TACR3: variants seen among roughly 807,000 people sequenced by gnomAD.
TACR3 encodes neuromedin-K receptor.
TACR3 carries 34 observed loss-of-function variants against 35.0 expected under a neutral mutation model. The ratio of observed to expected loss-of-function variants is 0.97; its 90% CI spans 0.74 to 1.30. The LOEUF is 1.30. Ranked by LOEUF, TACR3 falls within the 50% of genes most tolerant of loss-of-function variation. The pLI, the probability that TACR3 is intolerant of heterozygous loss-of-function variation, is 0.00. For missense variants in TACR3, 558 were observed against 591.7 expected (o/e 0.94, Z 0.59); for synonymous variants, 233 against 221.1 (o/e 1.05, Z -0.48).
chr4:103,706,045 C>G (rs1319843084), intron 1 of TACR3, among the ~76,000 whole-genome samples: 1 of 151,942 alleles, frequency 6.6e-6, no homozygotes, highest in Non-Finnish European at 1.5e-5. Flanking sequence ...TTTTAGTAGA[C>G]CAGAAAAGAC....
chr4:103,675,374 C>T (rs557668606), intron 1 of TACR3, among the ~76,000 whole-genome samples: 2 of 152,232 alleles, frequency 1.3e-5, no homozygotes, highest in South Asian at 2.1e-4. Context: ...CTTATCTTTC[C>T]CCACAAACCT....
chr4:103,688,894 A>G (rs2110215247), intron 1 of TACR3, among the ~76,000 whole-genome samples: 1 of 152,256 alleles, frequency 6.6e-6, no homozygotes, highest in South Asian at 2.1e-4. Context: ...CCATCCCATT[A>G]CTGGGTATAT....
chr4:103,616,161 A>T (rs990290429), intron 3 of TACR3, among the ~76,000 whole-genome samples: 1 of 152,232 alleles, frequency 6.6e-6, no homozygotes, highest in African/African-American at 2.4e-5. Context: ...TAAGTGAAAC[A>T]TTAATACAAG....
At chr4:103,697,675 C>T (rs1366871743) in intron 1 of TACR3, among the ~76,000 whole-genome samples, 1 of 152,084 alleles carries the variant, frequency 6.6e-6, no homozygotes, top group Non-Finnish European at 1.5e-5. Context: ...CCGCCCACCT[C>T]GGCCTCCCAA....
intron 3 of TACR3, among the ~76,000 whole-genome samples, chr4:103,635,451 A>AAACAT (rs1725166367): frequency 6.6e-6 from 1 of 151,928 alleles, no homozygotes; most frequent in African/African-American, 2.4e-5. Context: ...CCCCTGTGCA[A>AAACAT]AACATAACTT....
At chr4:103,706,405 C>T (rs928407422) in intron 1 of TACR3, among the ~76,000 whole-genome samples, 23 of 152,010 alleles carry the variant, frequency 1.5e-4, no homozygotes, top group African/African-American at 5.6e-4. Flanking sequence ...TCTGTATATC[C>T]TGATGCTAAA....
intron 3 of TACR3, among the ~76,000 whole-genome samples, chr4:103,649,681 T>G (rs1725538936): frequency 6.6e-6 from 1 of 152,156 alleles, no homozygotes; most frequent in Non-Finnish European, 1.5e-5. Context: ...GCAATTTTTC[T>G]TGATTCTTTT....
chr4:103,621,357 G>T (rs1724776365), intron 3 of TACR3, among the ~76,000 whole-genome samples: 1 of 152,170 alleles, frequency 6.6e-6, no homozygotes, highest in Admixed American at 6.5e-5. Context: ...GGATGGAGAT[G>T]AGAATAGAGG....
chr4:103,595,246 G>C (rs922120127), intron 3 of TACR3, among the ~76,000 whole-genome samples: 20 of 152,264 alleles, frequency 1.3e-4, no homozygotes, highest in African/African-American at 4.3e-4. Flanking sequence ...TAAACTTTAA[G>C]AAATTCTTGA....
chr4:103,610,244 G>A (rs928681493), intron 3 of TACR3, among the ~76,000 whole-genome samples: 4 of 152,024 alleles, frequency 2.6e-5, no homozygotes, highest in African/African-American at 9.7e-5. Flanking sequence ...CTCCAATAGT[G>A]TATAAGAGTT....
intron 1 of TACR3, among the ~76,000 whole-genome samples, chr4:103,669,494 C>T (rs139633304): frequency 6.6e-6 from 1 of 152,098 alleles, no homozygotes; most frequent in East Asian, 1.9e-4. Context: ...TCTGCATCCT[C>T]ATCAGCATCT....
intron 2 of TACR3, 130 bp downstream of exon 2, chr4:103,658,085 A>G (rs770835642): frequency 5.6e-6 from 5 of 891,506 alleles, no homozygotes; most frequent in South Asian, 3.0e-5. Flanking sequence ...GTATTTTTAT[A>G]TATTTCCTTT....
chr4:103,671,307 T>C (rs929060845), intron 1 of TACR3, among the ~76,000 whole-genome samples: 1 of 152,032 alleles, frequency 6.6e-6, no homozygotes. Context: ...CCCTAGAGAA[T>C]GAGTTTGAAA....
At chr4:103,628,491 C>T (rs1407906764) in intron 3 of TACR3, among the ~76,000 whole-genome samples, 16 of 152,072 alleles carry the variant, frequency 1.1e-4, no homozygotes, top group Admixed American at 8.5e-4. Context: ...CACAGAAATA[C>T]AAACTACCAT....
At chr4:103,686,849 C>T (rs1017589334) in intron 1 of TACR3, among the ~76,000 whole-genome samples, 2 of 152,098 alleles carry the variant, frequency 1.3e-5, no homozygotes, top group Non-Finnish European at 2.9e-5. Flanking sequence ...CCTTCTGAAA[C>T]TATTCCAATC....
At chr4:103,628,759 A>G (rs1460140273) in intron 3 of TACR3, among the ~76,000 whole-genome samples, 3 of 152,214 alleles carry the variant, frequency 2.0e-5, no homozygotes. Flanking sequence ...AACTATTCCA[A>G]TCAATAGAAA....
intron 1 of TACR3, among the ~76,000 whole-genome samples, chr4:103,717,345 A>G (rs1723111350): frequency 6.6e-6 from 1 of 152,106 alleles, no homozygotes; most frequent in Non-Finnish European, 1.5e-5. Flanking sequence ...TGTATACTCT[A>G]AATTTGTTAA....
chr4:103,621,342 G>A (rs1161609032), intron 3 of TACR3, among the ~76,000 whole-genome samples: 2 of 152,186 alleles, frequency 1.3e-5, no homozygotes, highest in East Asian at 3.8e-4. Context: ...GAAGCTGGGA[G>A]ATAAGGATGG....
intron 3 of TACR3, among the ~76,000 whole-genome samples, chr4:103,653,135 G>T: frequency 6.6e-6 from 1 of 151,938 alleles, no homozygotes; most frequent in Non-Finnish European, 1.5e-5. Context: ...TTTCAGCCTA[G>T]AATACAAACC....
Sources: allele counts gnomAD v4.1 joint callset (sites outside exome capture counted in the v4.1 genomes callset), GRCh38; gene constraint gnomAD v4.1.1; transcripts MANE v1.5; gene names NCBI Gene and HGNC (gene_info 2026-07-23, HGNC 2026-07-21).